Variants in CREBZF observed in about 807,000 individuals in gnomAD.
CREBZF encodes the protein CREB/ATF bZIP transcription factor.
Under a neutral mutation model 21.1 loss-of-function variants are expected in CREBZF, and 8 were observed. The observed-to-expected ratio is 0.38, with a 90% CI of 0.22 to 0.68. The LOEUF is 0.68. Among genes scored for constraint, CREBZF ranks in the 30% least tolerant of loss-of-function variants. CREBZF has a pLI of 0.51. For missense variants in CREBZF, 518 were observed against 484.3 expected, an observed-to-expected ratio of 1.07 and a Z score of -0.65; for synonymous variants, 270 against 223.3, an observed-to-expected ratio of 1.21 and a Z score of -1.86.
In CREBZF at chr11:85,660,230, G is replaced by C. The variant is rs985663807; in HGVS notation, c.*3581C>G. ...TGTTAATTCCATAGAATATGCTCTTGATTATGTAAAAACTCTAATTTCTTG... is the reference window on the plus strand; with the variant it reads ...TGTTAATTCCATAGAATATGCTCTTCATTATGTAAAAACTCTAATTTCTTG... On this transcript the variant is annotated 3_prime_UTR_variant, in exon 1 of 1. Coordinates refer to ENST00000527447, the MANE Select transcript of CREBZF (RefSeq NM_001039618.4). The C allele has an allele frequency of 1.2e-5, 2 of 170,386 alleles. No individual in the cohort carries two copies. Among genetic ancestry groups the C allele is most frequent in the African/African-American group, 4.8e-5 (2 of 41,480 alleles). 10.6% of individuals were successfully genotyped at this position (170,386 alleles called of 1,614,324 possible).
intron 1 of CREBZF, among the ~76,000 whole-genome samples, chr11:85,671,993 C>T (rs1034467984): frequency 6.6e-6 from 1 of 152,254 alleles, no homozygotes; most frequent in African/African-American, 2.4e-5. Flanking sequence ...CAGAGGTTCT[C>T]CATGGGAGCC....
At chr11:85,678,331 T>C (rs1374033323) in intron 1 of CREBZF, among the ~76,000 whole-genome samples, 2 of 152,174 alleles carry the variant, frequency 1.3e-5, no homozygotes, top group Admixed American at 6.5e-5. Context: ...TTATTGCTTC[T>C]AGGCCTTTCA....
At position 85,662,491 on chromosome 11, in the gene CREBZF, C is replaced by T. The variant is rs1156980100; in HGVS notation, c.*1320G>A. 2.8e-6 allele frequency: 2 copies of T among 708,536 alleles called. No individual in the cohort carries two copies. The highest frequency in any genetic ancestry group is 2.7e-5 in the East Asian group (1 of 37,180). The allele number at this position is 708,536 out of a possible 1,614,324, so 43.9% of individuals were successfully genotyped here. A position where few individuals can be genotyped will look rare whatever the true frequency, so the allele number is the denominator to read the frequency against. On this transcript the variant is annotated 3_prime_UTR_variant, in exon 1 of 1. Transcript: ENST00000527447. ...CAAAGAAAAACAAGGATGCTAAATA[C>T]GTATATACTTTATCAAGCAGTGATG...
chr11:85,682,676 T>A, intron 1 of CREBZF: 1 of 538,898 alleles, frequency 1.9e-6, no homozygotes, highest in Non-Finnish European at 3.4e-6. Context: ...CCACTCCCCT[T>A]GTAGACCACA....
upstream of CREBZF, among the ~76,000 whole-genome samples, chr11:85,668,728 C>G (rs535948933): frequency 9.2e-5 from 14 of 152,034 alleles, no homozygotes; most frequent in South Asian, 2.9e-3. Flanking sequence ...TGCGGCCGGG[C>G]GCGGTGGCTC....
In CREBZF at chr11:85,664,960, A is replaced by C. The variant is rs2082826782; in HGVS notation, c.-85T>G. 2.9e-6 allele frequency: 3 copies of C among 1,024,992 alleles called. No individual in the cohort carries two copies. Among genetic ancestry groups the C allele is most frequent in the African/African-American group, 3.4e-5 (2 of 58,844 alleles). The allele number at this position is 1,024,992 out of a possible 1,614,324, so 63.5% of individuals were successfully genotyped here. Reference sequence around the variant, plus strand: ...AAGGATCCCAGGCCCCAGGGCGGGTAGCCCCCGGCACTGGCCGAAACGAAA... The same window carrying C: ...AAGGATCCCAGGCCCCAGGGCGGGTCGCCCCCGGCACTGGCCGAAACGAAA... On this transcript the variant is annotated 5_prime_UTR_variant, in exon 1 of 1. Coordinates refer to ENST00000527447, the MANE Select transcript of CREBZF (RefSeq NM_001039618.4). This position sits in a 1 kb window ranked among gnomAD's most constrained non-coding sequence, Gnocchi z 5.5.
chr11:85,668,862 C>T (rs1401834994), upstream of CREBZF, among the ~76,000 whole-genome samples: 1 of 150,278 alleles, frequency 6.7e-6, no homozygotes, highest in South Asian at 2.1e-4. Flanking sequence ...ATTGGCCGGG[C>T]GTGGTAGCGG....
chr11:85,670,819 C>T (rs1282074541), intron 1 of CREBZF, among the ~76,000 whole-genome samples: 2 of 152,158 alleles, frequency 1.3e-5, no homozygotes, highest in African/African-American at 4.8e-5. Context: ...ATGTTGAAAT[C>T]CTAATCCCTA....
chr11:85,672,010 C>T (rs1195075765), intron 1 of CREBZF, among the ~76,000 whole-genome samples: 1 of 152,270 alleles, frequency 6.6e-6, no homozygotes, highest in African/African-American at 2.4e-5. Flanking sequence ...AGCCCCGCTC[C>T]TGCAGCAAAC....
upstream of CREBZF, among the ~76,000 whole-genome samples, chr11:85,667,086 G>A (rs1473686114): frequency 1.3e-5 from 2 of 152,130 alleles, no homozygotes. Flanking sequence ...TTGGCTGGGC[G>A]TGGTGGCTCA....
intron 1 of CREBZF, among the ~76,000 whole-genome samples, chr11:85,672,326 G>C (rs765781460): frequency 6.6e-6 from 1 of 152,212 alleles, no homozygotes; most frequent in Non-Finnish European, 1.5e-5. Flanking sequence ...GGGCTGCCTC[G>C]AAGGTCTCTA....
Position 85,658,988 on chromosome 11 carries a change from G to C in CREBZF, c.*4823C>G, listed in dbSNP as rs77906279. Among the ~76,000 whole-genome samples the C allele has an allele frequency of 7.8e-3, 1,185 of 152,072 alleles. 6 individuals are homozygous for C. The highest frequency in any genetic ancestry group is 0.013 in the Non-Finnish European group (860 of 67,890). ...AGTGACTGGTGTTGAGAGTACTGAG[G>C]CTACACAGAGGTACTGAAATTCAAA... On this transcript the variant is annotated 3_prime_UTR_variant, in exon 1 of 1. Coordinates refer to ENST00000527447, the MANE Select transcript of CREBZF (RefSeq NM_001039618.4).
intron 1 of CREBZF, among the ~76,000 whole-genome samples, chr11:85,679,433 A>G (rs1355321709): frequency 6.6e-6 from 1 of 152,250 alleles, no homozygotes; most frequent in Non-Finnish European, 1.5e-5. Flanking sequence ...TTGTTAAATT[A>G]ATGCAATATA....
chr11:85,664,537 G>C lies in CREBZF; in HGVS notation c.339C>G (p.Pro113=). 6.2e-7 allele frequency: 1 copy of C among 1,613,848 alleles called. No homozygotes were observed. Among genetic ancestry groups the C allele is most frequent in the Non-Finnish European group, 8.5e-7 (1 of 1,179,978 alleles). The part of the protein sequence containing the change: ...SGLELADLLD[P]RQPDWHLDPG... ...GGTCCAGGTGCCAGTCCGGTTGCCT[G>C]GGGTCCAGGAGATCCGCCAGTTCCA... is the stretch of plus-strand genomic sequence containing the variant. The change falls in exon 1 of 1, where the codon CCC becomes CCG. Residue 113 remains proline, a synonymous_variant. Transcript: ENST00000527447. The surrounding 1 kb of genome is among the most constrained non-coding windows in gnomAD (Gnocchi z 5.5).
intron 1 of CREBZF, among the ~76,000 whole-genome samples, chr11:85,679,379 A>G (rs1315104508): frequency 2.6e-5 from 4 of 152,196 alleles, no homozygotes; most frequent in Non-Finnish European, 5.9e-5. Flanking sequence ...ATTGTATCCT[A>G]CCACTTAGCA....
rs1265580543 is a variant in CREBZF at position 85,659,809 on chromosome 11, C to T, written c.*4002G>A. 6.6e-6 allele frequency: 1 copy of T among 152,000 alleles called. No homozygotes were observed. The highest frequency in any genetic ancestry group is 2.4e-5 in the African/African-American group (1 of 41,418). The allele number at this position is 152,000 out of a possible 1,614,324, so 9.4% of individuals were successfully genotyped here. ...CTCCCATCATCCACAATACTAAAGT[C>T]CTTATACAACACTAGATAAATTTTT... is the stretch of plus-strand genomic sequence containing the variant. On this transcript the variant is annotated 3_prime_UTR_variant, in exon 1 of 1. Transcript: ENST00000527447.
intron 1 of CREBZF, among the ~76,000 whole-genome samples, chr11:85,672,574 C>T (rs557215512): frequency 6.6e-6 from 1 of 152,298 alleles, no homozygotes; most frequent in East Asian, 1.9e-4. Flanking sequence ...TTCAAAGTTC[C>T]ACAGATCTCT....
chr11:85,667,050 G>A (rs1043602232), upstream of CREBZF, among the ~76,000 whole-genome samples: 8 of 152,082 alleles, frequency 5.3e-5, no homozygotes, highest in East Asian at 1.2e-3. Context: ...TTTAAATTAC[G>A]AAATTTTGTT....
intron 1 of CREBZF, among the ~76,000 whole-genome samples, chr11:85,674,791 C>T (rs2082932337): frequency 1.3e-5 from 2 of 152,384 alleles, no homozygotes; most frequent in Non-Finnish European, 2.9e-5. Context: ...TCAGCACTTG[C>T]TGCTTCACCT....
Sources: allele counts gnomAD v4.1 joint callset (sites outside exome capture counted in the v4.1 genomes callset), GRCh38; gene constraint gnomAD v4.1.1; non-coding constraint Gnocchi (gnomAD v3.1); transcripts MANE v1.5; gene names NCBI Gene and HGNC (gene_info 2026-07-23, HGNC 2026-07-21).